Variants in FAM3B observed in about 807,000 individuals in gnomAD.
FAM3B encodes the protein FAM3 metabolism regulating signaling molecule B, also known as protein FAM3B.
A neutral mutation model predicts 28.4 loss-of-function variants in FAM3B; 29 were observed. The ratio of observed to expected loss-of-function variants is 1.02; its 90% CI spans 0.76 to 1.39. The LOEUF is 1.39. FAM3B is among the 40% of genes most tolerant of loss of function. The probability of loss-of-function intolerance (pLI) is 0.00; values close to 1 mark genes in which losing one functional copy is unlikely to be tolerated. For synonymous variants in FAM3B, 91 were observed against 103.0 expected (o/e 0.88, Z 0.71); for missense variants, 266 against 293.9 (o/e 0.91, Z 0.69).
chr21:41,354,938 A>C (rs1481839426), intron 7 of FAM3B, among the ~76,000 whole-genome samples: 1 of 152,226 alleles, frequency 6.6e-6, no homozygotes, highest in African/African-American at 2.4e-5. Context: ...AAGGACCTGA[A>C]TCTAGAATAC....
intron 1 of FAM3B, among the ~76,000 whole-genome samples, chr21:41,318,685 C>T (rs766701311): frequency 6.6e-6 from 1 of 152,240 alleles, no homozygotes; most frequent in East Asian, 1.9e-4. Context: ...GATCTGAATA[C>T]ATATTGGTAA....
upstream of FAM3B, chr21:41,316,771 T>C (rs779314804): frequency 8.5e-7 from 1 of 1,170,240 alleles, no homozygotes. Context: ...GGCCCGCCCC[T>C]GCCCGACACG....
chr21:41,330,188 A>G (rs4453765), intron 2 of FAM3B, among the ~76,000 whole-genome samples: 7,385 of 151,840 alleles, frequency 0.049, 442 homozygotes, highest in African/African-American at 0.14. Flanking sequence ...CTGAAAACAC[A>G]CAATCTGAAA....
chr21:41,316,764 C>A, upstream of FAM3B: 1 of 1,089,786 alleles, frequency 9.2e-7, no homozygotes, highest in South Asian at 2.3e-5. Context: ...CCCAGCTGGC[C>A]CGCCCCTGCC....
At chr21:41,356,076 C>A (rs1568925516) in intron 7 of FAM3B, among the ~76,000 whole-genome samples, 3 of 150,484 alleles carry the variant, frequency 2.0e-5, no homozygotes, top group Non-Finnish European at 3.0e-5. Flanking sequence ...CACACACACA[C>A]ACACACACAT....
rs531431307 is a variant in FAM3B at position 41,305,060 on chromosome 21, C to T, written n.99+750C>T. On this transcript the variant is annotated intron_variant and non_coding_transcript_variant, in intron 1 of 9. Coordinates refer to the FAM3B transcript ENST00000479810. ...CACGTTTTCCTCCTTTATTTGACCA[C>T]GTATATTTTCATTGCTCCAACAATG... 2.6e-5 allele frequency among the ~76,000 whole-genome samples: 4 copies of T among 152,226 alleles called. No homozygotes were observed. In the South Asian group the frequency reaches 6.2e-4, roughly 24 times the overall value.
intron 2 of FAM3B, among the ~76,000 whole-genome samples, chr21:41,332,863 T>G (rs1354060193): frequency 1.4e-5 from 2 of 146,790 alleles, no homozygotes; most frequent in African/African-American, 2.6e-5. Context: ...TTTGTCAATT[T>G]TATCTCTTTT....
chr21:41,317,680 C>A (rs1387135773), intron 1 of FAM3B, among the ~76,000 whole-genome samples: 1 of 152,092 alleles, frequency 6.6e-6, no homozygotes, highest in Non-Finnish European at 1.5e-5. Context: ...GTGGGAAGTT[C>A]TCTGGGCCTC....
At chr21:41,306,201 T>C (rs529408785) in intron 1 of FAM3B, among the ~76,000 whole-genome samples, 1 of 152,366 alleles carries the variant, frequency 6.6e-6, no homozygotes, top group South Asian at 2.1e-4. Context: ...CTAGTTCTCT[T>C]ATTATTTCCA....
intron 2 of FAM3B, among the ~76,000 whole-genome samples, chr21:41,332,286 G>A (rs776505488): frequency 6.6e-6 from 1 of 152,184 alleles, no homozygotes; most frequent in Non-Finnish European, 1.5e-5. Flanking sequence ...TTTCTTTAAA[G>A]CCTGCAGGAC....
chr21:41,334,564 A>T (rs935081506), intron 2 of FAM3B, among the ~76,000 whole-genome samples: 5 of 152,202 alleles, frequency 3.3e-5, no homozygotes. Flanking sequence ...GCAGGTGCAC[A>T]GAATGCAAGA....
At chr21:41,348,824 A>T (rs970384100) in intron 7 of FAM3B, 100 bp downstream of exon 7, 3 of 1,320,566 alleles carry the variant, frequency 2.3e-6, no homozygotes, top group Non-Finnish European at 3.2e-6. Context: ...CTCCAAACAT[A>T]AGAGTTGTGT....
upstream of FAM3B, among the ~76,000 whole-genome samples, chr21:41,313,978 G>A (rs1048345932): frequency 3.9e-5 from 6 of 152,150 alleles, no homozygotes; most frequent in African/African-American, 1.4e-4. Flanking sequence ...TGCCATGGAT[G>A]AATTGCATCC....
At chr21:41,331,957 G>A (rs1392035155) in intron 2 of FAM3B, among the ~76,000 whole-genome samples, 1 of 152,116 alleles carries the variant, frequency 6.6e-6, no homozygotes, top group African/African-American at 2.4e-5. Flanking sequence ...ATCCCACTTG[G>A]TCATGGCAAT....
intron 6 of FAM3B, among the ~76,000 whole-genome samples, chr21:41,347,913 T>C (rs1482330260): frequency 6.6e-6 from 1 of 152,214 alleles, no homozygotes; most frequent in African/African-American, 2.4e-5. Flanking sequence ...TTCAAAGTGC[T>C]TATTTGTGTG....
At chr21:41,328,168 C>T (rs1439442928) in intron 2 of FAM3B, among the ~76,000 whole-genome samples, 3 of 152,188 alleles carry the variant, frequency 2.0e-5, no homozygotes, top group African/African-American at 4.8e-5. Context: ...GAACAGGTCA[C>T]GTACACTAAA....
At chr21:41,345,327 G>A (rs977283737) in intron 4 of FAM3B, among the ~76,000 whole-genome samples, 2 of 150,366 alleles carry the variant, frequency 1.3e-5, no homozygotes, top group East Asian at 3.9e-4. Context: ...GGGATGAGGC[G>A]GGTGGGCCTG....
chr21:41,311,486 A>G, intron 1 of FAM3B, among the ~76,000 whole-genome samples: 1 of 151,036 alleles, frequency 6.6e-6, no homozygotes, highest in Admixed American at 6.6e-5. Context: ...AAAATGACAA[A>G]TTTTTAATAT....
rs747340964 is a variant in FAM3B, at chr21:41,344,661, A to T, written c.346+127A>T. The T allele has an allele frequency of 9.0e-6, 6 of 664,176 alleles. No homozygotes were observed. In the Middle Eastern group the frequency reaches 1.0e-3, roughly 114 times the overall value. The allele number at this position is 664,176 out of a possible 1,614,324, so 41.1% of individuals were successfully genotyped here. The stretch of plus-strand genomic sequence containing the variant: ...GGTTTGTATTTTAATGCATTTTAAG[A>T]TTATATACTCAATTATTTTTACAAG... On this transcript the variant is annotated intron_variant, in intron 4 of 7. Coordinates refer to ENST00000357985, the MANE Select transcript of FAM3B (RefSeq NM_058186.4).
Sources: allele counts gnomAD v4.1 joint callset (sites outside exome capture counted in the v4.1 genomes callset), GRCh38; gene constraint gnomAD v4.1.1; transcripts MANE v1.5; gene names NCBI Gene and HGNC (gene_info 2026-07-23, HGNC 2026-07-21).